ARSJ: variants seen among roughly 807,000 people sequenced by gnomAD.
ARSJ encodes the protein arylsulfatase family member J.
In ARSJ, 26 loss-of-function variants were observed where a neutral mutation model predicts 35.9. The ratio of observed to expected loss-of-function variants is 0.72; its 90% CI spans 0.53 to 1.00. The LOEUF (loss-of-function observed/expected upper bound fraction) is 1.00. ARSJ is among the 50% of genes least tolerant of loss of function. The pLI is 0.00. For missense variants in ARSJ, 667 were observed against 723.6 expected (o/e 0.92, Z 0.90); for synonymous variants, 294 against 267.6 (o/e 1.10, Z -0.96).
At chr4:113,914,268 G>A (rs907150758) in intron 1 of ARSJ, among the ~76,000 whole-genome samples, 2 of 151,928 alleles carry the variant, frequency 1.3e-5, no homozygotes, top group East Asian at 3.9e-4. Context: ...CACCACACCC[G>A]GCCTAAAACC....
chr4:113,904,450 A>G (rs554166308), intron 1 of ARSJ, among the ~76,000 whole-genome samples: 1 of 152,170 alleles, frequency 6.6e-6, no homozygotes, highest in African/African-American at 2.4e-5. Context: ...ACAAGGAAAA[A>G]TTAGAGAAAA....
intron 1 of ARSJ, among the ~76,000 whole-genome samples, chr4:113,947,811 G>A (rs1029385797): frequency 2.6e-5 from 4 of 152,044 alleles, no homozygotes; most frequent in Non-Finnish European, 5.9e-5. Context: ...AGTGTAGTAT[G>A]GCAAAACATA....
chr4:113,911,248 C>T (rs1183299137), intron 1 of ARSJ, among the ~76,000 whole-genome samples: 1 of 152,134 alleles, frequency 6.6e-6, no homozygotes, highest in East Asian at 1.9e-4. Flanking sequence ...CATATCTTGA[C>T]TAGTCTATAG....
At chr4:113,918,704 A>G (rs4582212) in intron 1 of ARSJ, among the ~76,000 whole-genome samples, 107,700 of 152,094 alleles carry the variant, frequency 0.71, 38,927 homozygotes, top group East Asian at 0.81. Context: ...ATTTTATGAT[A>G]CAGTGTTTTG....
chr4:113,902,054 A>ACT lies in ARSJ; in HGVS notation c.*218_*219dup. 7.1e-7 allele frequency: 1 copy of ACT among 1,401,286 alleles called. No individual in the cohort carries two copies. The highest frequency in any genetic ancestry group is 9.6e-7 in the Non-Finnish European group (1 of 1,039,246). 86.8% of individuals were successfully genotyped at this position (1,401,286 alleles called of 1,614,324 possible). A position where few individuals can be genotyped will look rare whatever the true frequency, so the allele number is the denominator to read the frequency against. ...AGGAGCAAGAGAAATAAACATCTCC[A>ACT]CTCTCTCTAAGTGTGGCTTGCAAGA... On this transcript the variant is annotated 3_prime_UTR_variant, in exon 2 of 2. Coordinates refer to ENST00000315366, the MANE Select transcript of ARSJ (RefSeq NM_024590.4).
chr4:113,903,658 C>T lies in ARSJ; in HGVS notation c.416G>A (p.Gly139Glu). ...FITGKYQIHTGLQHSIIRPTQ... is the reference protein window; with the variant it reads ...FITGKYQIHTELQHSIIRPTQ... ...AGGTCTTATGATAGAATGTTGAAGT[C>T]CGGTGTGTATCTGATACCTTAAGAA... The change falls in exon 2 of 2, where the codon GGA becomes GAA. Residue 139 changes from glycine to glutamate, a missense_variant. By Grantham distance (98) the Gly-to-Glu change is moderately conservative. Coordinates refer to ENST00000315366, the MANE Select transcript of ARSJ (RefSeq NM_024590.4). 6.2e-7 allele frequency: 1 copy of T among 1,611,594 alleles called. No individual in the cohort carries two copies. Among genetic ancestry groups the T allele is most frequent in the South Asian group, 1.1e-5 (1 of 90,956 alleles).
At chr4:113,939,721 G>T (rs1434077780) in intron 1 of ARSJ, among the ~76,000 whole-genome samples, 4 of 152,096 alleles carry the variant, frequency 2.6e-5, no homozygotes, top group Non-Finnish European at 4.4e-5. Context: ...TTTGAGAAGT[G>T]TCTGTTCATA....
Position 113,962,363 on chromosome 4 carries a change from G to C in ARSJ, c.398+16074C>G, listed in dbSNP as rs75822076. 0.013 allele frequency among the ~76,000 whole-genome samples: 2,046 copies of C among 152,038 alleles called. 115 individuals are homozygous for C. In the East Asian group the frequency reaches 0.16, roughly 12 times the overall value. ...CAATCCTTCAAAATATAAAACCTAAGGGAGTCAGAAAAAGAAGGGAGAAAC... is the reference window on the plus strand; with the variant it reads ...CAATCCTTCAAAATATAAAACCTAACGGAGTCAGAAAAAGAAGGGAGAAAC... On this transcript the variant is annotated intron_variant, in intron 1 of 1. Coordinates refer to ENST00000315366, the MANE Select transcript of ARSJ (RefSeq NM_024590.4).
At chr4:113,915,829 T>C (rs1159358845) in intron 1 of ARSJ, among the ~76,000 whole-genome samples, 2 of 152,228 alleles carry the variant, frequency 1.3e-5, no homozygotes, top group Non-Finnish European at 2.9e-5. Context: ...GTCTGCACTC[T>C]TTCTACAACA....
Position 113,947,837 on chromosome 4 carries a change from G to T in ARSJ, c.398+30600C>A, listed in dbSNP as rs536371748. 2.6e-5 allele frequency among the ~76,000 whole-genome samples: 4 copies of T among 152,128 alleles called. No homozygotes were observed. The East Asian group carries it at 7.8e-4, about 29-fold the overall frequency. On this transcript the variant is annotated intron_variant, in intron 1 of 1. Transcript: ENST00000315366. ...GCAAAACATATTATCCAATTTGTCT[G>T]AATATGGATATTTTCTTTAATTACG...
At chr4:113,931,475 C>T (rs571178676) in intron 1 of ARSJ, among the ~76,000 whole-genome samples, 11 of 152,168 alleles carry the variant, frequency 7.2e-5, no homozygotes, top group East Asian at 3.9e-4. Context: ...AATAGAGTAA[C>T]GCCACCCTTA....
At chr4:113,934,472 G>C (rs1724647786) in intron 1 of ARSJ, among the ~76,000 whole-genome samples, 1 of 151,740 alleles carries the variant, frequency 6.6e-6, no homozygotes, top group African/African-American at 2.4e-5. Flanking sequence ...TTAAGTAAAA[G>C]AGGTCAAGCA....
intron 1 of ARSJ, among the ~76,000 whole-genome samples, chr4:113,946,798 A>T (rs927087575): frequency 6.6e-6 from 1 of 152,134 alleles, no homozygotes; most frequent in Non-Finnish European, 1.5e-5. Context: ...CAGTATTAAA[A>T]TTATTTTGGC....
chr4:113,905,339 A>G (rs757710362), intron 1 of ARSJ, among the ~76,000 whole-genome samples: 6 of 152,228 alleles, frequency 3.9e-5, no homozygotes, highest in Non-Finnish European at 8.8e-5. Context: ...ATTTAACCTG[A>G]AAGGCCAACA....
intron 1 of ARSJ, among the ~76,000 whole-genome samples, chr4:113,947,220 C>T (rs1478610586): frequency 1.3e-5 from 2 of 152,008 alleles, no homozygotes; most frequent in Non-Finnish European, 2.9e-5. Context: ...GTGGCTGAGA[C>T]CTGTAATCCC....
Position 113,903,694 on chromosome 4 carries a change from A to C in ARSJ, c.399-19T>G. 1 of 1,579,924 alleles carries C rather than the reference A, an allele frequency of 6.3e-7. No individual in the cohort carries two copies. Among genetic ancestry groups the C allele is most frequent in the Non-Finnish European group, 8.6e-7 (1 of 1,159,224 alleles). The stretch of plus-strand genomic sequence containing the variant: ...CTGATACCTTAAGAAAAGAGAAAAA[A>C]ATTGTTATCAGGGCAGGATAAAAGA... On this transcript the variant is annotated intron_variant, in intron 1 of 1. Coordinates refer to ENST00000315366, the MANE Select transcript of ARSJ (RefSeq NM_024590.4).
intron 1 of ARSJ, among the ~76,000 whole-genome samples, chr4:113,951,768 C>A (rs544375053): frequency 1.5e-4 from 23 of 152,186 alleles, no homozygotes; most frequent in African/African-American, 5.3e-4. Context: ...AGCTATCCCT[C>A]CTGTTAATTC....
intron 1 of ARSJ, among the ~76,000 whole-genome samples, chr4:113,912,308 C>T (rs1722966632): frequency 6.6e-6 from 1 of 152,164 alleles, no homozygotes; most frequent in African/African-American, 2.4e-5. Flanking sequence ...TCAACTGCAT[C>T]ACTTACTATA....
chr4:113,922,471 A>G (rs1439095538), intron 1 of ARSJ, among the ~76,000 whole-genome samples: 2 of 152,126 alleles, frequency 1.3e-5, no homozygotes, highest in African/African-American at 4.8e-5. Context: ...TTGCTATGCA[A>G]TATATTTCCC....
Sources: gnomAD v4.1 joint callset for allele counts (sites outside exome capture counted in the v4.1 genomes callset) on GRCh38, gnomAD v4.1.1 for gene constraint, MANE v1.5 for transcripts, NCBI Gene and HGNC (gene_info 2026-07-23, HGNC 2026-07-21) for gene names.